Variants in AHRR observed in about 807,000 individuals in gnomAD.
AHRR encodes ahR repressor.
Under a neutral mutation model 44.0 loss-of-function variants are expected in AHRR, and 28 were observed. The ratio of observed to expected loss-of-function variants is 0.64; its 90% CI spans 0.47 to 0.87. AHRR has a LOEUF of 0.87. Ranked by LOEUF, AHRR falls within the 40% of genes least tolerant of loss-of-function variation. The pLI is 0.00. For synonymous variants in AHRR, 434 were observed against 407.0 expected, an observed-to-expected ratio of 1.07 and a Z score of -0.80; for missense variants, 990 against 953.9, an observed-to-expected ratio of 1.04 and a Z score of -0.50.
Position 419,721 on chromosome 5 carries a change from T to TGG in AHRR, c.442-3005_442-3004dup, listed in dbSNP as rs1735983217. On this transcript the variant is annotated intron_variant, in intron 5 of 10. Transcript: ENST00000684583. The surrounding 1 kb of genome is among the most constrained non-coding windows in gnomAD (Gnocchi z 4.4). ...CAACAGGCCGGCCCATAAGAGCTGA[T>TGG]GGGGTTGGTATTTCTGTTTGTTGCC... Among the ~76,000 whole-genome samples the TGG allele has an allele frequency of 6.6e-6, 1 of 152,118 alleles. No homozygotes were observed.
intron 5 of AHRR, among the ~76,000 whole-genome samples, chr5:415,342 C>CCGAATCTCCCTGGTCGGGT (rs1560915710): frequency 2.4e-5 from 3 of 123,228 alleles, no homozygotes; most frequent in Middle Eastern, 4.5e-3. Flanking sequence ...CCTGGTGGGG[C>CCGAATCTCCCTGGTCGGGT]GGGAGGCCTA....
chr5:345,694 C>T (rs1341589480), intron 2 of AHRR, among the ~76,000 whole-genome samples: 1 of 151,890 alleles, frequency 6.6e-6, no homozygotes, highest in Non-Finnish European at 1.5e-5. Flanking sequence ...ACTGCCCTAA[C>T]ACCTGCTGTG....
chr5:323,488 A>G (rs1741578825), intron 1 of AHRR, among the ~76,000 whole-genome samples: 1 of 152,106 alleles, frequency 6.6e-6, no homozygotes, highest in Admixed American at 6.5e-5. Flanking sequence ...CTTTTCTCTA[A>G]AGTATTATCA....
chr5:421,383 C>G (rs1579699214), intron 5 of AHRR: 1 of 606,068 alleles, frequency 1.6e-6, no homozygotes, highest in East Asian at 3.1e-5. Flanking sequence ...ACAGTACCAG[C>G]CCCCACACGG....
chr5:349,575 G>A (rs574884001), intron 2 of AHRR, among the ~76,000 whole-genome samples: 4 of 116,866 alleles, frequency 3.4e-5, no homozygotes, highest in South Asian at 5.7e-4. Context: ...GTGAGACTCC[G>A]TCTCAAAAAA....
rs1004407740 is a variant in AHRR, at chr5:436,987, C to G, written c.*2153C>G. 1 of 152,428 alleles carries G rather than the reference C, an allele frequency of 6.6e-6. No homozygotes were observed. Among genetic ancestry groups the G allele is most frequent in the African/African-American group, 2.4e-5 (1 of 41,454 alleles). 9.4% of individuals were successfully genotyped at this position (152,428 alleles called of 1,614,324 possible). ...TAAGACCAGGATGGTATTTCAGAAG[C>G]TTCCCACTTCCTTCCTATTCTAACC... On this transcript the variant is annotated 3_prime_UTR_variant, in exon 11 of 11. Transcript: ENST00000684583.
At chr5:341,885 G>A (rs1742362895) in intron 1 of AHRR, among the ~76,000 whole-genome samples, 1 of 152,052 alleles carries the variant, frequency 6.6e-6, no homozygotes, top group Non-Finnish European at 1.5e-5. Context: ...ATCCCACAAA[G>A]TCTGATATGT....
At chr5:378,713 G>A (rs756658348) in intron 4 of AHRR, among the ~76,000 whole-genome samples, 6 of 152,196 alleles carry the variant, frequency 3.9e-5, no homozygotes, top group African/African-American at 9.6e-5. Flanking sequence ...AGCACACAGA[G>A]GAGGCCCTGA....
intron 4 of AHRR, among the ~76,000 whole-genome samples, chr5:412,813 T>G (rs1735524053): frequency 6.7e-6 from 1 of 148,942 alleles, no homozygotes; most frequent in Non-Finnish European, 1.5e-5. Flanking sequence ...CTCCACCTCC[T>G]GGGTTCAAGC....
At chr5:384,446 G>A (rs1734094836) in intron 4 of AHRR, among the ~76,000 whole-genome samples, 1 of 152,024 alleles carries the variant, frequency 6.6e-6, no homozygotes, top group South Asian at 2.1e-4. Context: ...TTTTTGAGAT[G>A]GAGTTTTGCT....
Position 430,233 on chromosome 5 carries a change from G to A in AHRR, c.908+2227G>A, listed in dbSNP as rs113907209. Among the ~76,000 whole-genome samples the A allele has an allele frequency of 6.7e-3, 1,020 of 152,360 alleles. 11 individuals carry two copies. Among genetic ancestry groups the A allele is most frequent in the African/African-American group, 0.023 (957 of 41,590 alleles). The stretch of plus-strand genomic sequence containing the variant: ...TGCGGTCTTGACTGACCTTGTCAGA[G>A]TCCAGGCTCCCGAACTAGTTTGAGA... On this transcript the variant is annotated intron_variant, in intron 8 of 10. Transcript: ENST00000684583.
At chr5:415,475 G>T (rs868195326) in intron 5 of AHRR, among the ~76,000 whole-genome samples, 86 of 59,666 alleles carry the variant, frequency 1.4e-3, no homozygotes, top group Non-Finnish European at 1.7e-3. Context: ...CTGCCTGGTC[G>T]GGTGGGAGGC....
Position 432,799 on chromosome 5 carries a change from C to T in AHRR, c.971-7C>T, listed in dbSNP as rs778358330. ...TGACGGCTTCCCCCCCCTCTAAACC[C>T]CAACAGGAAGGAGCAGCAGAGAGAG... On this transcript the variant is annotated splice_polypyrimidine_tract_variant and splice_region_variant and intron_variant, in intron 9 of 10. Coordinates refer to ENST00000684583, the MANE Select transcript of AHRR (RefSeq NM_001377236.1). The T allele has an allele frequency of 3.7e-6, 6 of 1,613,918 alleles. No homozygotes were observed. The highest frequency in any genetic ancestry group is 2.2e-5 in the South Asian group (2 of 91,080).
chr5:396,318 C>A (rs1396999724), intron 4 of AHRR, among the ~76,000 whole-genome samples: 1 of 152,132 alleles, frequency 6.6e-6, no homozygotes, highest in Admixed American at 6.5e-5. Context: ...TCCCACACCC[C>A]CCTTTGTCCC....
intron 5 of AHRR, chr5:422,500 C>T (rs1736173498): frequency 1.8e-6 from 1 of 561,780 alleles, no homozygotes; most frequent in Admixed American, 2.9e-5. Context: ...TGGATGTGGG[C>T]ACCACTTGGC....
intron 4 of AHRR, among the ~76,000 whole-genome samples, chr5:378,026 A>T (rs2126447854): frequency 6.6e-6 from 1 of 152,304 alleles, no homozygotes; most frequent in East Asian, 1.9e-4. Context: ...AGTCCACTGC[A>T]TCTGGTTCAT....
rs998982588 is a variant in AHRR, at chr5:435,260, G to A, written c.*426G>A. 1.0e-5 allele frequency: 2 copies of A among 197,880 alleles called. No homozygotes were observed. Among genetic ancestry groups the A allele is most frequent in the African/African-American group, 2.6e-5 (1 of 38,350 alleles). 12.3% of individuals were successfully genotyped at this position (197,880 alleles called of 1,614,324 possible). On this transcript the variant is annotated 3_prime_UTR_variant, in exon 11 of 11. Transcript: ENST00000684583. Reference sequence around the variant, plus strand: ...GGTGATGCTCCCAAGTCCGCAGTCGGGGATGAAGCGGTCGGGTGACACACC... The same window carrying A: ...GGTGATGCTCCCAAGTCCGCAGTCGAGGATGAAGCGGTCGGGTGACACACC...
intron 4 of AHRR, 35 bp from the exon 5 acceptor site, chr5:413,309 T>G: frequency 2.1e-6 from 3 of 1,458,962 alleles, no homozygotes; most frequent in Non-Finnish European, 2.8e-6. Flanking sequence ...GGTGAGCCAA[T>G]TCGATTTTTT....
Position 406,807 on chromosome 5 carries a change from A to T in AHRR, c.352-6537A>T, listed in dbSNP as rs1735276934. 6.6e-6 allele frequency among the ~76,000 whole-genome samples: 1 copy of T among 152,224 alleles called. No homozygotes were observed. On this transcript the variant is annotated intron_variant, in intron 4 of 10. Coordinates refer to ENST00000684583, the MANE Select transcript of AHRR (RefSeq NM_001377236.1). This position sits in a 1 kb window ranked among gnomAD's most constrained non-coding sequence, Gnocchi z 4.7. ...GATCCAGGAGTAAGGTGAGACCCCG[A>T]CATTGGGAAATACTCATAAAGTTAA... is the stretch of plus-strand genomic sequence containing the variant.
Sources: allele counts gnomAD v4.1 joint callset (sites outside exome capture counted in the v4.1 genomes callset), GRCh38; gene constraint gnomAD v4.1.1; non-coding constraint Gnocchi (gnomAD v3.1); transcripts MANE v1.5; gene names NCBI Gene and HGNC (gene_info 2026-07-23, HGNC 2026-07-21).